Variants in PEMT observed in about 807,000 individuals in gnomAD.
PEMT encodes phosphatidylethanolamine N-methyltransferase.
PEMT carries 23 observed loss-of-function variants against 27.4 expected under a neutral mutation model. The ratio of observed to expected loss-of-function variants is 0.84; its 90% CI spans 0.60 to 1.19. The LOEUF is 1.19. Among genes scored for constraint, PEMT ranks in the 50% most tolerant of loss-of-function variants. PEMT has a pLI of 0.00. For missense variants in PEMT, 307 were observed against 310.1 expected (o/e 0.99, Z 0.07); for synonymous variants, 137 against 139.1 (o/e 0.98, Z 0.11).
At chr17:17,550,705 A>G (rs367617935) in intron 2 of PEMT, among the ~76,000 whole-genome samples, 9 of 152,254 alleles carry the variant, frequency 5.9e-5, no homozygotes, top group African/African-American at 2.2e-4. Flanking sequence ...GCAGGTGGCT[A>G]GAGCCTCTCC....
At chr17:17,515,378 G>T (rs1267802972) in intron 3 of PEMT, among the ~76,000 whole-genome samples, 1 of 152,212 alleles carries the variant, frequency 6.6e-6, no homozygotes, top group East Asian at 1.9e-4. Context: ...GCCAGGGAGC[G>T]GGTGGGAGAG....
chr17:17,555,414 GT>G (rs1186845371), intron 2 of PEMT, among the ~76,000 whole-genome samples: 1 of 152,236 alleles, frequency 6.6e-6, no homozygotes, highest in Non-Finnish European at 1.5e-5. Context: ...ACCTGTCACA[GT>G]GTGCTGCCCT....
intron 1 of PEMT, among the ~76,000 whole-genome samples, chr17:17,580,544 G>A (rs1403599188): frequency 6.6e-6 from 1 of 152,166 alleles, no homozygotes; most frequent in African/African-American, 2.4e-5. Flanking sequence ...GCCTGGTGGG[G>A]GGAGGGTGGA....
chr17:17,579,860 G>A (rs533066308), intron 1 of PEMT, among the ~76,000 whole-genome samples: 1 of 152,324 alleles, frequency 6.6e-6, no homozygotes, highest in South Asian at 2.1e-4. Flanking sequence ...CGCAAATGGC[G>A]GGAAGAAGGA....
intron 2 of PEMT, among the ~76,000 whole-genome samples, chr17:17,533,757 G>A (rs1958225947): frequency 6.7e-6 from 1 of 150,304 alleles, no homozygotes; most frequent in South Asian, 2.1e-4. Context: ...TTGAGACAGA[G>A]TCTTGCTCTG....
At chr17:17,543,564 T>C (rs1194872394) in intron 2 of PEMT, among the ~76,000 whole-genome samples, 3 of 151,902 alleles carry the variant, frequency 2.0e-5, no homozygotes, top group South Asian at 4.1e-4. Flanking sequence ...AAATCCAGCT[T>C]GTGCTTTTTT....
Position 17,505,731 on chromosome 17 carries a change from C to G in PEMT, c.*60G>C. The G allele has an allele frequency of 6.5e-7, 1 of 1,529,582 alleles. No individual in the cohort carries two copies. Among genetic ancestry groups the G allele is most frequent in the Non-Finnish European group, 8.8e-7 (1 of 1,138,588 alleles). 94.8% of individuals were successfully genotyped at this position (1,529,582 alleles called of 1,614,324 possible). A position where few individuals can be genotyped will look rare whatever the true frequency, so the allele number is the denominator to read the frequency against. On this transcript the variant is annotated 3_prime_UTR_variant, in exon 7 of 7. Transcript: ENST00000255389. Reference sequence around the variant, plus strand: ...GCACCATTCTCGCCCTGCGCAGGGCCTGCCACTTGGGGCAGGCCAGGAGGC... The same window carrying G: ...GCACCATTCTCGCCCTGCGCAGGGCGTGCCACTTGGGGCAGGCCAGGAGGC...
At chr17:17,584,177 T>A (rs1002348873) in intron 1 of PEMT, among the ~76,000 whole-genome samples, 2 of 152,146 alleles carry the variant, frequency 1.3e-5, no homozygotes, top group African/African-American at 4.8e-5. Context: ...CCTTTTTTTT[T>A]GAGATGGAGT....
At chr17:17,563,534 G>A (rs1567729665) in intron 2 of PEMT, among the ~76,000 whole-genome samples, 1 of 152,218 alleles carries the variant, frequency 6.6e-6, no homozygotes, top group Non-Finnish European at 1.5e-5. Flanking sequence ...GATAGAGGAA[G>A]GCCAGAAAGG....
intron 1 of PEMT, among the ~76,000 whole-genome samples, chr17:17,578,119 C>G (rs969659160): frequency 1.3e-5 from 2 of 151,348 alleles, no homozygotes; most frequent in Non-Finnish European, 2.9e-5. Flanking sequence ...AGCACCTAGA[C>G]AGAAATTTCT....
chr17:17,582,527 C>G lies in PEMT; in HGVS notation c.97-5500G>C, dbSNP rs1372443268. On this transcript the variant is annotated intron_variant, in intron 1 of 6. Coordinates refer to ENST00000255389, the MANE Select transcript of PEMT (RefSeq NM_148172.3). The surrounding 1 kb of genome is among the most constrained non-coding windows in gnomAD (Gnocchi z 4.9). ...GTCACATCGATTCCAGGCCACACACCACACACAACAAAGGGCAGGGGAATG... is the reference window on the plus strand; with the variant it reads ...GTCACATCGATTCCAGGCCACACACGACACACAACAAAGGGCAGGGGAATG... The G allele has an allele frequency of 1.7e-6, 1 of 577,060 alleles. No individual in the cohort carries two copies. Among genetic ancestry groups the G allele is most frequent in the Non-Finnish European group, 2.2e-6 (1 of 457,074 alleles). The allele number at this position is 577,060 out of a possible 1,614,324, so 35.7% of individuals were successfully genotyped here.
intron 1 of PEMT, among the ~76,000 whole-genome samples, chr17:17,590,689 G>C (rs184574566): frequency 1.3e-3 from 193 of 152,372 alleles, no homozygotes; most frequent in Non-Finnish European, 2.0e-3. Context: ...GAAAGAACTG[G>C]ATTAGAAGCT....
intron 2 of PEMT, among the ~76,000 whole-genome samples, chr17:17,563,161 G>A (rs1158280353): frequency 6.6e-6 from 1 of 152,196 alleles, no homozygotes; most frequent in African/African-American, 2.4e-5. Flanking sequence ...CCAGCCTGAG[G>A]AGCCGGCAGA....
rs1403034368 is a variant in PEMT, at chr17:17,561,590, AT to A, written c.204+15329del. Among the ~76,000 whole-genome samples the A allele has an allele frequency of 1.3e-5, 2 of 152,210 alleles. No individual in the cohort carries two copies. Among genetic ancestry groups the A allele is most frequent in the African/African-American group, 4.8e-5 (2 of 41,452 alleles). On this transcript the variant is annotated intron_variant, in intron 2 of 6. Transcript: ENST00000255389. This position sits in a 1 kb window ranked among gnomAD's most constrained non-coding sequence, Gnocchi z 4.5. Reference sequence around the variant, plus strand: ...CCAGGCACCACCCACTCCAGGCACCATCCCGGCCCTTGCAACAGTGAGCCAG... The same window carrying A: ...CCAGGCACCACCCACTCCAGGCACCACCCGGCCCTTGCAACAGTGAGCCAG...
At chr17:17,541,045 G>A (rs1908845015) in intron 2 of PEMT, among the ~76,000 whole-genome samples, 4 of 152,198 alleles carry the variant, frequency 2.6e-5, no homozygotes, top group Admixed American at 6.5e-5. Context: ...CTGAGTGCTC[G>A]GCTGAGACGG....
rs1370443774 is a variant in PEMT at position 17,582,072 on chromosome 17, G to A, written c.97-5045C>T. Among the ~76,000 whole-genome samples, 1 of 152,186 alleles carries A rather than the reference G, an allele frequency of 6.6e-6. No individual in the cohort carries two copies. The highest frequency in any genetic ancestry group is 1.9e-4 in the East Asian group (1 of 5,188). On this transcript the variant is annotated intron_variant, in intron 1 of 6. Transcript: ENST00000255389. This position sits in a 1 kb window ranked among gnomAD's most constrained non-coding sequence, Gnocchi z 4.9. ...CCACATCCAGGCTCTGCCTCCGGGT[G>A]TCAGAGTCTCCCTTGATGGCCTCCC... is the stretch of plus-strand genomic sequence containing the variant.
intron 2 of PEMT, among the ~76,000 whole-genome samples, chr17:17,559,813 A>G (rs745916690): frequency 6.6e-6 from 1 of 152,182 alleles, no homozygotes; most frequent in Non-Finnish European, 1.5e-5. Context: ...TGGGGAACCT[A>G]TGGTTCAGAG....
At chr17:17,529,905 G>A (rs1210274937) in intron 2 of PEMT, among the ~76,000 whole-genome samples, 1 of 152,212 alleles carries the variant, frequency 6.6e-6, no homozygotes, top group East Asian at 1.9e-4. Context: ...CCCTGGAGAA[G>A]GGCTCCTTGT....
chr17:17,530,645 A>C (rs9910747), intron 2 of PEMT, among the ~76,000 whole-genome samples: 20,159 of 152,224 alleles, frequency 0.13, 2,400 homozygotes, highest in African/African-American at 0.32. Flanking sequence ...GGACAAAAGA[A>C]CCAGAAAGAT....
Sources: gnomAD v4.1 joint callset for allele counts (sites outside exome capture counted in the v4.1 genomes callset) on GRCh38, gnomAD v4.1.1 for gene constraint, Gnocchi (gnomAD v3.1) non-coding constraint, MANE v1.5 for transcripts, NCBI Gene and HGNC (gene_info 2026-07-23, HGNC 2026-07-21) for gene names.